VSIG4: variants seen among roughly 807,000 people sequenced by gnomAD.
The protein encoded by VSIG4 is V-set and immunoglobulin domain containing 4, also known as V-set and immunoglobulin domain-containing protein 4.
VSIG4 carries 34 observed loss-of-function variants against 23.4 expected under a neutral mutation model. That is an observed-to-expected ratio of 1.45 (90% CI 1.10 to 1.93). The LOEUF (loss-of-function observed/expected upper bound fraction) is 1.93. Ranked by LOEUF, VSIG4 falls within the 30% of genes most tolerant of loss-of-function variation. The pLI, the probability that VSIG4 is intolerant of heterozygous loss-of-function variation, is 0.00. For missense variants in VSIG4, 433 were observed against 310.8 expected (o/e 1.39, Z -2.96); for synonymous variants, 169 against 120.3 (o/e 1.41, Z -2.65).
In VSIG4 at chrX:66,032,565, C is replaced by A; in HGVS notation, c.597G>T (p.Lys199Asn). ...AGCCTGAGTCGGCTATCACCGCAGG[C>A]TTGAAGAGTAAGGTACTTAGGGTTG... is the stretch of plus-strand genomic sequence containing the variant. ...KVATLSTLLF[K>N]PAVIADSGSY... The change falls in exon 3 of 8, where the codon AAG becomes AAT. Residue 199 changes from lysine (K) to asparagine (N), a missense_variant. Lys to Asn is a moderately conservative substitution (Grantham distance 94, BLOSUM62 0). Transcript: ENST00000374737. The A allele has an allele frequency of 1.7e-6, 2 of 1,211,659 alleles. No homozygotes were observed. The highest frequency in any genetic ancestry group is 2.2e-6 in the Non-Finnish European group (2 of 895,399).
intron 1 of VSIG4, among the ~76,000 whole-genome samples, chrX:66,038,620 A>G (rs776323710): frequency 3.6e-5 from 4 of 112,110 alleles, no homozygotes; most frequent in African/African-American, 1.3e-4. Flanking sequence ...GACTTGGAGA[A>G]GGTAGAGAGA....
intron 1 of VSIG4, among the ~76,000 whole-genome samples, chrX:66,037,013 T>G (rs1481343635): frequency 2.5e-5 from 1 of 39,513 alleles, no homozygotes; most frequent in Non-Finnish European, 3.8e-5. Flanking sequence ...ATATAATATA[T>G]CATATAATAT....
intron 6 of VSIG4, among the ~76,000 whole-genome samples, chrX:66,023,389 G>A (rs952348212): frequency 8.9e-6 from 1 of 111,870 alleles, no homozygotes; most frequent in Non-Finnish European, 1.9e-5. Flanking sequence ...CCTATATTCC[G>A]TACAGGCTCA....
chrX:66,021,957 ATAGTG>A lies in VSIG4; in HGVS notation c.*301_*305del, dbSNP rs1164100467. 1.2e-6 allele frequency: 1 copy of A among 864,565 alleles called. No individual in the cohort carries two copies. Among genetic ancestry groups the A allele is most frequent in the African/African-American group, 2.0e-5 (1 of 49,364 alleles). 71.2% of individuals were successfully genotyped at this position (864,565 alleles called of 1,213,427 possible). A position where few individuals can be genotyped will look rare whatever the true frequency, so the allele number is the denominator to read the frequency against. On this transcript the variant is annotated 3_prime_UTR_variant, in exon 8 of 8. Coordinates refer to ENST00000374737, the MANE Select transcript of VSIG4 (RefSeq NM_007268.3). Reference sequence around the variant, plus strand: ...TCTGGTGGCAAGATGCCAAAGTTGAATAGTGTCTGTAGGCATGATGACCAAGTCCT... The same window carrying A: ...TCTGGTGGCAAGATGCCAAAGTTGAATCTGTAGGCATGATGACCAAGTCCT...
chrX:66,037,724 CTTA>C (rs1181234490), intron 1 of VSIG4, among the ~76,000 whole-genome samples: 2 of 89,459 alleles, frequency 2.2e-5, no homozygotes, highest in East Asian at 6.4e-4. Context: ...AGTATATATA[CTTA>C]TTACTAAGTA....
intron 1 of VSIG4, 72 bp from the exon 2 acceptor site, chrX:66,033,902 C>T: frequency 1.2e-6 from 1 of 864,671 alleles, no homozygotes. Context: ...GTGACAGTGA[C>T]AAACCTCAAA....
intron 1 of VSIG4, among the ~76,000 whole-genome samples, chrX:66,036,065 C>T (rs1450223476): frequency 1.8e-5 from 2 of 111,688 alleles, no homozygotes; most frequent in Non-Finnish European, 3.8e-5. Context: ...ACTCCTCCAT[C>T]CCAGAATGAA....
chrX:66,039,106 T>A (rs1375487327), intron 1 of VSIG4, among the ~76,000 whole-genome samples: 1 of 111,807 alleles, frequency 8.9e-6, no homozygotes, highest in Non-Finnish European at 1.9e-5. Flanking sequence ...ATCCAGCCCA[T>A]AAATAGCCCA....
chrX:66,025,052 T>C lies in VSIG4; in HGVS notation c.913A>G (p.Met305Val). 2 of 1,202,813 alleles carry C rather than the reference T, an allele frequency of 1.7e-6. No homozygotes were observed. The highest frequency in any genetic ancestry group is 2.2e-6 in the Non-Finnish European group (2 of 891,222). The change falls in exon 6 of 8, where the codon ATG (methionine) becomes GTG (valine). Residue 305 changes from methionine (M) to valine (V), a missense_variant. By Grantham distance (21) the Met-to-Val change is conservative. Coordinates refer to ENST00000374737, the MANE Select transcript of VSIG4 (RefSeq NM_007268.3). ...CMVVFTMAYI[M>V]LCRKTSQQEH... ...TGTTGGGATGTCTTCCGACAGAGCA[T>C]GATATAGGCCATGGTAAAAACCACC...
Position 66,033,566 on chromosome X carries a change from T to C in VSIG4, c.320A>G (p.Asp107Gly). 6 of 1,211,547 alleles carry C rather than the reference T, an allele frequency of 5.0e-6. No individual in the cohort carries two copies. Among genetic ancestry groups the C allele is most frequent in the Non-Finnish European group, 6.7e-6 (6 of 895,410 alleles). Residue 107 changes from aspartate (D) to glycine (G), a missense_variant, in exon 2 of 8, where the codon GAC becomes GGC. Asp to Gly is a moderately conservative substitution (Grantham distance 94, BLOSUM62 -1). Transcript: ENST00000374737. ...SLQLSTLEMDDRSHYTCEVTW... is the reference protein window; with the variant it reads ...SLQLSTLEMDGRSHYTCEVTW... ...GACTTCACACGTGTAGTGGCTCCGG[T>C]CATCCATCTCCAGGGTGCTCAATTG...
chrX:66,022,485 C>T lies in VSIG4; in HGVS notation c.978G>A (p.Glu326=). 3 of 1,210,534 alleles carry T rather than the reference C, an allele frequency of 2.5e-6. No homozygotes were observed. Among genetic ancestry groups the T allele is most frequent in the Non-Finnish European group, 2.2e-6 (2 of 895,321 alleles). The change falls in exon 8 of 8, where the codon GAG becomes GAA. Residue 326 remains glutamate, a synonymous_variant. Transcript: ENST00000374737. ...TCATGGTTTCTCCAGAGTCGTTGGC[C>T]TCTCTGGCATGTGCCCTATGGCCCA... The part of the protein sequence containing the change: ...VYEAARAHAR[E]ANDSGETMRV...
intron 6 of VSIG4, 147 bp downstream of exon 6, chrX:66,024,878 G>GC (rs2085371921): frequency 2.6e-6 from 1 of 381,116 alleles, no homozygotes; most frequent in Non-Finnish European, 4.6e-6. Context: ...TCGAACATCT[G>GC]CCTCCCTGCA....
chrX:66,033,220 G>A (rs748316346), intron 2 of VSIG4, among the ~76,000 whole-genome samples: 1 of 110,904 alleles, frequency 9.0e-6, no homozygotes, highest in Admixed American at 9.6e-5. Context: ...CTAGTCCATG[G>A]ATACTGGCAT....
At chrX:66,037,697 T>C (rs1458381831) in intron 1 of VSIG4, among the ~76,000 whole-genome samples, 1 of 93,007 alleles carries the variant, frequency 1.1e-5, no homozygotes, top group Admixed American at 1.4e-4. Flanking sequence ...TATATTATAT[T>C]ATACTTATTA....
intron 1 of VSIG4, among the ~76,000 whole-genome samples, chrX:66,036,815 A>G (rs1422271917): frequency 2.5e-5 from 1 of 40,160 alleles, no homozygotes; most frequent in Non-Finnish European, 3.8e-5. Context: ...ATAATATTAT[A>G]TATTATTATA....
intron 1 of VSIG4, among the ~76,000 whole-genome samples, chrX:66,036,401 G>T (rs1271710346): frequency 9.6e-6 from 1 of 104,669 alleles, no homozygotes; most frequent in Admixed American, 1.1e-4. Flanking sequence ...AGTTCCCCTA[G>T]AATCAAGTAG....
At position 66,032,710 on chromosome X, in the gene VSIG4, T is replaced by C. The variant is rs1298530640; in HGVS notation, c.452A>G (p.Tyr151Cys). The C allele has an allele frequency of 8.3e-7, 1 of 1,211,335 alleles. No homozygotes were observed. Among genetic ancestry groups the C allele is most frequent in the Non-Finnish European group, 1.1e-6 (1 of 895,341 alleles). ...CATTCCCTGGGGCACCGTGAAGCCA[T>C]AACCGCTGCCAGTTGTCACTGTGGG... ...SKPTVTTGSG[Y>C]GFTVPQGMRI... Residue 151 changes from tyrosine to cysteine, a missense_variant, in exon 3 of 8, where the codon TAT (tyrosine) becomes TGT (cysteine). By Grantham distance (194) the Tyr-to-Cys change is radical (BLOSUM62 -2). Coordinates refer to ENST00000374737, the MANE Select transcript of VSIG4 (RefSeq NM_007268.3).
intron 1 of VSIG4, among the ~76,000 whole-genome samples, chrX:66,037,503 A>G (rs2085624037): frequency 1.6e-5 from 1 of 62,344 alleles, no homozygotes; most frequent in South Asian, 7.1e-4. Flanking sequence ...TATAATATAT[A>G]TTATATAATA....
rs2085347527 is a variant in VSIG4 at position 66,022,779 on chromosome X, G to A, written c.962+62C>T. 8.3e-7 allele frequency: 1 copy of A among 1,208,952 alleles called. No individual in the cohort carries two copies. Among genetic ancestry groups the A allele is most frequent in the Admixed American group, 2.2e-5 (1 of 45,766 alleles). On this transcript the variant is annotated intron_variant, in intron 7 of 7. Transcript: ENST00000374737. ...ACACCCCCCTTCCTCCACATTTCCTGCCAGTAATCAAAATTGAGGGCAGGG... is the reference window on the plus strand; with the variant it reads ...ACACCCCCCTTCCTCCACATTTCCTACCAGTAATCAAAATTGAGGGCAGGG...
Sources: allele counts gnomAD v4.1 joint callset (sites outside exome capture counted in the v4.1 genomes callset), GRCh38; gene constraint gnomAD v4.1.1; transcripts MANE v1.5; gene names NCBI Gene and HGNC (gene_info 2026-07-23, HGNC 2026-07-21).